GPHN: variants seen among roughly 807,000 people sequenced by gnomAD.
The protein encoded by GPHN is gephyrin.
In GPHN, 17 loss-of-function variants were observed where a neutral mutation model predicts 95.5. The ratio of observed to expected loss-of-function variants is 0.18; its 90% CI spans 0.12 to 0.27. The LOEUF is 0.27. GPHN is among the 10% of genes least tolerant of loss of function. The probability of loss-of-function intolerance (pLI) is 1.00; values close to 1 mark genes in which losing one functional copy is unlikely to be tolerated. For missense variants in GPHN, 660 were observed against 978.1 expected (o/e 0.67, Z 4.34); for synonymous variants, 320 against 322.5 (o/e 0.99, Z 0.08).
chr14:67,424,597 T>TAA, the GPHN span, among the ~76,000 whole-genome samples: 6,190 of 124,798 alleles, frequency 0.05, 179 homozygotes, highest in African/African-American at 0.07. Flanking sequence ...AGACGCTGTT[T>TAA]AAAAAAAAAA....
intron 1 of GPHN, among the ~76,000 whole-genome samples, chr14:66,510,074 C>G (rs1231084412): frequency 6.6e-6 from 1 of 152,112 alleles, no homozygotes; most frequent in African/African-American, 2.4e-5. Flanking sequence ...AAAGGGAACC[C>G]CCAAATCAGA....
intron 1 of GPHN, among the ~76,000 whole-genome samples, chr14:66,515,461 T>C (rs1424228121): frequency 6.6e-6 from 1 of 152,224 alleles, no homozygotes; most frequent in African/African-American, 2.4e-5. Flanking sequence ...TGAGATGTTT[T>C]ATAGCATTAA....
At chr14:67,045,502 T>C (rs2074964466) in intron 10 of GPHN, among the ~76,000 whole-genome samples, 1 of 151,768 alleles carries the variant, frequency 6.6e-6, no homozygotes, top group Non-Finnish European at 1.5e-5. Flanking sequence ...TCTGTCTTTG[T>C]CTTTCTCTGT....
intron 1 of GPHN, among the ~76,000 whole-genome samples, chr14:66,598,812 C>T (rs1440582354): frequency 6.7e-6 from 1 of 149,936 alleles, no homozygotes; most frequent in Non-Finnish European, 1.5e-5. Flanking sequence ...GCACTCCAGC[C>T]TGGGCTACAG....
the GPHN span, chr14:67,559,520 A>G: frequency 2.4e-6 from 2 of 844,776 alleles, no homozygotes; most frequent in Non-Finnish European, 4.0e-6. Flanking sequence ...TGGCACGCAC[A>G]CTTGGCCTTT....
chr14:66,609,350 C>G (rs994600417), intron 1 of GPHN, among the ~76,000 whole-genome samples: 1 of 152,110 alleles, frequency 6.6e-6, no homozygotes, highest in Non-Finnish European at 1.5e-5. Context: ...AGTGACCTGA[C>G]TCATCTCTCT....
At chr14:66,998,152 T>C (rs1295402689) in intron 9 of GPHN, among the ~76,000 whole-genome samples, 2 of 152,220 alleles carry the variant, frequency 1.3e-5, no homozygotes, top group Non-Finnish European at 2.9e-5. Context: ...GGGGGCATTA[T>C]GTATGCTGTG....
At chr14:66,709,725 A>T (rs1250474368) in intron 2 of GPHN, among the ~76,000 whole-genome samples, 1 of 152,194 alleles carries the variant, frequency 6.6e-6, no homozygotes, top group Non-Finnish European at 1.5e-5. Context: ...TTAGTAAGTG[A>T]TGTCTTTCCT....
chr14:67,090,099 A>G (rs1299927644), intron 12 of GPHN, among the ~76,000 whole-genome samples: 1 of 152,086 alleles, frequency 6.6e-6, no homozygotes, highest in East Asian at 1.9e-4. Context: ...TTATTATGTT[A>G]TTGGTTATTA....
intron 3 of GPHN, among the ~76,000 whole-genome samples, chr14:66,781,819 G>C (rs553622401): frequency 6.6e-6 from 1 of 152,120 alleles, no homozygotes. Context: ...ATTATGAAAA[G>C]TGATGCTATA....
chr14:66,649,101 GC>G (rs2064906375), intron 1 of GPHN, among the ~76,000 whole-genome samples: 1 of 152,200 alleles, frequency 6.6e-6, no homozygotes, highest in South Asian at 2.1e-4. Flanking sequence ...GGAGGCCGAG[GC>G]CGGTGGATTG....
chr14:66,544,988 C>T (rs1162453113), intron 1 of GPHN, among the ~76,000 whole-genome samples: 2 of 152,206 alleles, frequency 1.3e-5, no homozygotes, highest in Non-Finnish European at 2.9e-5. Flanking sequence ...GTGTCTACCT[C>T]CTACTACACA....
chr14:67,549,126 T>G, the GPHN span, among the ~76,000 whole-genome samples: 4 of 152,172 alleles, frequency 2.6e-5, no homozygotes, highest in African/African-American at 9.7e-5. Flanking sequence ...GTTGGAAGTA[T>G]GTTGAAGTTT....
chr14:66,596,879 C>T (rs147444297), intron 1 of GPHN, among the ~76,000 whole-genome samples: 26 of 152,300 alleles, frequency 1.7e-4, no homozygotes, highest in African/African-American at 6.3e-4. Context: ...GTGGAGTGCA[C>T]AGCCCCAGCT....
chr14:67,082,016 T>C lies in GPHN; in HGVS notation c.1145-6967T>C, dbSNP rs529688520. 2.0e-5 allele frequency among the ~76,000 whole-genome samples: 3 copies of C among 152,338 alleles called. No homozygotes were observed. In the South Asian group the frequency reaches 6.2e-4, roughly 32 times the overall value. ...GTGACTATGGCCTTACGGTATAGTT[T>C]GAAGTCACGTAGTGTGATGTCTCCA... On this transcript the variant is annotated intron_variant, in intron 11 of 22. Coordinates refer to ENST00000478722, the MANE Select transcript of GPHN (RefSeq NM_020806.5).
the GPHN span, among the ~76,000 whole-genome samples, chr14:67,293,547 T>C: frequency 6.6e-6 from 1 of 152,124 alleles, no homozygotes; most frequent in Admixed American, 6.5e-5. Context: ...AAGGGAGATA[T>C]TTTTCTCACT....
At chr14:67,470,995 T>C in the GPHN span, 2 of 152,224 alleles carry the variant, frequency 1.3e-5, no homozygotes, top group Non-Finnish European at 1.5e-5. Context: ...GGGCTATCCC[T>C]GGTGAGATCT....
chr14:66,777,008 G>A (rs2059405786), intron 3 of GPHN, among the ~76,000 whole-genome samples: 1 of 151,416 alleles, frequency 6.6e-6, no homozygotes, highest in Non-Finnish European at 1.5e-5. Context: ...TCTAGCTTAG[G>A]TATATCTCCC....
chr14:67,662,710 C>A, the GPHN span, among the ~76,000 whole-genome samples: 5 of 152,062 alleles, frequency 3.3e-5, no homozygotes, highest in African/African-American at 9.7e-5. Flanking sequence ...TCAAGACCAC[C>A]CTGGCCAACC....
Sources: allele counts gnomAD v4.1 joint callset (sites outside exome capture counted in the v4.1 genomes callset), GRCh38; gene constraint gnomAD v4.1.1; transcripts MANE v1.5; gene names NCBI Gene and HGNC (gene_info 2026-07-23, HGNC 2026-07-21).